Variants in ADAMTSL3 observed in about 807,000 individuals in gnomAD.
ADAMTSL3 encodes ADAMTS like 3.
A neutral mutation model predicts 201.7 loss-of-function variants in ADAMTSL3; 128 were observed. The observed-to-expected ratio is 0.63, with a 90% CI of 0.55 to 0.73. The LOEUF (loss-of-function observed/expected upper bound fraction) is 0.73. Among genes scored for constraint, ADAMTSL3 ranks in the 30% least tolerant of loss-of-function variants. The pLI is 0.00. For synonymous variants in ADAMTSL3, 738 were observed against 748.4 expected, an observed-to-expected ratio of 0.99 and a Z score of 0.23; for missense variants, 1,990 against 2,119.6, an observed-to-expected ratio of 0.94 and a Z score of 1.20.
At chr15:83,825,359 A>G (rs2063999603) in intron 6 of ADAMTSL3, among the ~76,000 whole-genome samples, 1 of 152,206 alleles carries the variant, frequency 6.6e-6, no homozygotes, top group South Asian at 2.1e-4. Flanking sequence ...GCCTATAATC[A>G]CAACACTTTG....
At chr15:83,709,541 G>T (rs756826948) in intron 3 of ADAMTSL3, among the ~76,000 whole-genome samples, 1 of 152,128 alleles carries the variant, frequency 6.6e-6, no homozygotes, top group Non-Finnish European at 1.5e-5. Flanking sequence ...CGCTGAGTAA[G>T]TCAGTTTTTG....
intron 3 of ADAMTSL3, among the ~76,000 whole-genome samples, chr15:83,771,343 C>T (rs994205256): frequency 1.3e-5 from 2 of 152,002 alleles, no homozygotes; most frequent in Non-Finnish European, 2.9e-5. Flanking sequence ...GCGTATAGTA[C>T]AGTATTGGTA....
At chr15:83,725,709 A>C (rs1240679656) in intron 3 of ADAMTSL3, among the ~76,000 whole-genome samples, 1 of 152,038 alleles carries the variant, frequency 6.6e-6, no homozygotes, top group Non-Finnish European at 1.5e-5. Flanking sequence ...TTCACTGTAG[A>C]AGTATGCATT....
At chr15:83,944,645 T>G (rs1022822848) in intron 19 of ADAMTSL3, among the ~76,000 whole-genome samples, 1 of 152,176 alleles carries the variant, frequency 6.6e-6, no homozygotes, top group Non-Finnish European at 1.5e-5. Flanking sequence ...AGAGATAGAT[T>G]CAAACCCAGG....
intron 2 of ADAMTSL3, among the ~76,000 whole-genome samples, chr15:83,681,603 G>A (rs920931590): frequency 1.3e-5 from 2 of 152,194 alleles, no homozygotes; most frequent in African/African-American, 4.8e-5. Context: ...ACATTTCTCT[G>A]ATTGGTTAGT....
intron 19 of ADAMTSL3, among the ~76,000 whole-genome samples, chr15:83,955,378 A>G (rs2066839988): frequency 6.6e-6 from 1 of 152,094 alleles, no homozygotes; most frequent in South Asian, 2.1e-4. Context: ...CAGCTTGTGA[A>G]TGCTGCCAAA....
intron 7 of ADAMTSL3, among the ~76,000 whole-genome samples, chr15:83,839,750 A>G (rs1388880868): frequency 6.6e-6 from 1 of 152,168 alleles, no homozygotes; most frequent in Non-Finnish European, 1.5e-5. Context: ...TATAAGAGAA[A>G]AGAAGCAGCT....
In ADAMTSL3 at chr15:83,819,880, G is replaced by A; in HGVS notation, c.433G>A (p.Gly145Arg). 6.2e-7 allele frequency: 1 copy of A among 1,614,074 alleles called. No individual in the cohort carries two copies. The highest frequency in any genetic ancestry group is 2.2e-5 in the East Asian group (1 of 44,872). ...AGCCTACAATGATGTCCAGTATCAG[G>A]GGCATTACTATGAATGGCTTCCACG... The part of the protein sequence containing the change: ...CSAYNDVQYQ[G>R]HYYEWLPRYN... The change falls in exon 6 of 30, where the codon GGG becomes AGG. Residue 145 changes from glycine (G) to arginine (R), a missense_variant. Physicochemically the swap from Gly to Arg is moderately radical, Grantham distance 125 (BLOSUM62 -2). Transcript: ENST00000286744.
chr15:83,882,143 G>C lies in ADAMTSL3; in HGVS notation c.961-2958G>C, dbSNP rs541662506. On this transcript the variant is annotated intron_variant, in intron 9 of 29. Transcript: ENST00000286744. ...TGCACTCCAGCCTGGGCGACAGAGC[G>C]AGACTCTGTGTCAAAAAAAGAAAGA... 5.9e-5 allele frequency among the ~76,000 whole-genome samples: 9 copies of C among 152,200 alleles called. No homozygotes were observed. In the South Asian group the frequency reaches 1.9e-3, roughly 32 times the overall value.
At chr15:83,801,653 T>TATATATAA (rs2063519849) in intron 4 of ADAMTSL3, among the ~76,000 whole-genome samples, 1 of 34,006 alleles carries the variant, frequency 2.9e-5, no homozygotes, top group Non-Finnish European at 6.5e-5. Flanking sequence ...TAAATATAAA[T>TATATATAA]ATATATATAT....
intron 2 of ADAMTSL3, among the ~76,000 whole-genome samples, chr15:83,677,381 T>C (rs945610335): frequency 5.3e-5 from 8 of 152,174 alleles, no homozygotes; most frequent in African/African-American, 1.9e-4. Context: ...GATGAAATCC[T>C]CAAGTATAGT....
rs371922733 is a variant in ADAMTSL3 at position 83,913,342 on chromosome 15, G to A, written c.1951G>A (p.Ala651Thr). The A allele has an allele frequency of 1.1e-5, 17 of 1,613,442 alleles. No individual in the cohort carries two copies. The highest frequency in any genetic ancestry group is 2.2e-5 in the South Asian group (2 of 91,058). The change falls in exon 16 of 30, where the codon GCT becomes ACT. Residue 651 changes from alanine (A) to threonine (T), a missense_variant. Physicochemically the swap from Ala to Thr is moderately conservative, Grantham distance 58. Transcript: ENST00000286744. ...DSETTYDWEY[A>T]GFTPCTATCV... ...TGAGACGACTTACGACTGGGAGTAC[G>A]CTGGGTTCACCCCTTGCACAGCAAC...
intron 4 of ADAMTSL3, among the ~76,000 whole-genome samples, chr15:83,782,878 A>G (rs2141794282): frequency 6.6e-6 from 1 of 150,896 alleles, no homozygotes; most frequent in East Asian, 1.9e-4. Flanking sequence ...CTTAAAATAA[A>G]GGTTAAATTA....
At chr15:83,722,226 A>T (rs2062111335) in intron 3 of ADAMTSL3, among the ~76,000 whole-genome samples, 3 of 152,314 alleles carry the variant, frequency 2.0e-5, no homozygotes, top group African/African-American at 7.2e-5. Flanking sequence ...GTTACAGGGG[A>T]TAAGGACAGG....
intron 3 of ADAMTSL3, among the ~76,000 whole-genome samples, chr15:83,758,367 T>C (rs1184973304): frequency 6.6e-6 from 1 of 152,198 alleles, no homozygotes; most frequent in Non-Finnish European, 1.5e-5. Context: ...TTTATAAAAC[T>C]GTCGGATGTT....
intron 6 of ADAMTSL3, among the ~76,000 whole-genome samples, chr15:83,831,960 T>TA (rs1431693717): frequency 3.3e-5 from 5 of 151,952 alleles, no homozygotes; most frequent in Non-Finnish European, 4.4e-5. Context: ...AAATATACAA[T>TA]GAATGCAGTG....
chr15:83,667,619 A>G (rs1045500892), intron 2 of ADAMTSL3, among the ~76,000 whole-genome samples: 1 of 148,754 alleles, frequency 6.7e-6, no homozygotes, highest in African/African-American at 2.5e-5. Flanking sequence ...CAGGACAGAG[A>G]TTTCTGTAAG....
intron 6 of ADAMTSL3, among the ~76,000 whole-genome samples, chr15:83,837,081 T>C (rs1374999250): frequency 6.6e-6 from 1 of 152,138 alleles, no homozygotes; most frequent in Admixed American, 6.5e-5. Context: ...CACACATATG[T>C]ACACATGAAA....
chr15:83,769,130 A>T (rs1178082978), intron 3 of ADAMTSL3, among the ~76,000 whole-genome samples: 3 of 151,940 alleles, frequency 2.0e-5, no homozygotes, highest in Non-Finnish European at 4.4e-5. Flanking sequence ...TAGAGAAGTT[A>T]TGGAAAGAAA....
Sources: gnomAD v4.1 joint callset for allele counts (sites outside exome capture counted in the v4.1 genomes callset) on GRCh38, gnomAD v4.1.1 for gene constraint, MANE v1.5 for transcripts, NCBI Gene and HGNC (gene_info 2026-07-23, HGNC 2026-07-21) for gene names.